The following DYNLT2 variants were observed in gnomAD, a reference collection of about 807,000 sequenced individuals.
The protein encoded by DYNLT2 is dynein light chain Tctex-type 2, also known as dynein light chain Tctex-type protein 2.
In DYNLT2, 24 loss-of-function variants were observed where a neutral mutation model predicts 24.3. The ratio of observed to expected loss-of-function variants is 0.99; its 90% CI spans 0.71 to 1.39. DYNLT2 has a LOEUF of 1.39. DYNLT2 is among the 40% of genes most tolerant of loss of function. The probability of loss-of-function intolerance (pLI) is 0.00; values close to 1 mark genes in which losing one functional copy is unlikely to be tolerated. For synonymous variants in DYNLT2, 85 were observed against 85.4 expected (o/e 1.00, Z 0.03); for missense variants, 246 against 234.5 (o/e 1.05, Z -0.32).
At chr6:169,750,320 T>C (rs1458262731) in intron 1 of DYNLT2, 1 of 152,216 alleles carries the variant, frequency 6.6e-6, no homozygotes, top group African/African-American at 2.4e-5. Flanking sequence ...TGTGAAGTTT[T>C]AAGTCCAACT....
chr6:169,751,554 G>A lies in DYNLT2; in HGVS notation c.-96C>T, dbSNP rs959644051. On this transcript the variant is annotated 5_prime_UTR_variant, in exon 1 of 4. Transcript: ENST00000366774. ...GCGAGGGCGGAAGTCTCCCACCTGCGCCTCGTACGGTAGGAAGTGCCCGCC... is the reference window on the plus strand; with the variant it reads ...GCGAGGGCGGAAGTCTCCCACCTGCACCTCGTACGGTAGGAAGTGCCCGCC... The A allele has an allele frequency of 4.3e-6, 7 of 1,610,296 alleles. No homozygotes were observed. Among genetic ancestry groups the A allele is most frequent in the East Asian group, 4.5e-5 (2 of 44,806 alleles).
At chr6:169,725,741 G>C in the DYNLT2 span, 3 of 156,550 alleles carry the variant, frequency 1.9e-5, no homozygotes, top group African/African-American at 4.8e-5. Flanking sequence ...TCAGAGAATG[G>C]AGTCAGGGAA....
At chr6:169,742,918 A>G (rs973456511) in intron 3 of DYNLT2, among the ~76,000 whole-genome samples, 162 bp downstream of exon 3, 3 of 152,182 alleles carry the variant, frequency 2.0e-5, no homozygotes, top group Non-Finnish European at 2.9e-5. Flanking sequence ...TTTTCAAATA[A>G]TTTACAGTGA....
Position 169,743,825 on chromosome 6 carries a change from A to G in DYNLT2, c.327+243T>C, listed in dbSNP as rs1312642404. On this transcript the variant is annotated intron_variant, in intron 2 of 3. Coordinates refer to ENST00000366774, the MANE Select transcript of DYNLT2 (RefSeq NM_174910.3). ...TTAATGTATAGCTTGAAGGAAATGG[A>G]CATGGCTTGTGGACTATAAAGCATT... Among the ~76,000 whole-genome samples the G allele has an allele frequency of 6.6e-5, 10 of 152,316 alleles. No individual in the cohort carries two copies. In the East Asian group the frequency reaches 1.9e-3, roughly 29 times the overall value.
chr6:169,751,544 TC>T lies in DYNLT2; in HGVS notation c.-87del. ...AGCCAGTCCCGCGAGGGCGGAAGTC[TC>T]CCACCTGCGCCTCGTACGGTAGGAA... is the stretch of plus-strand genomic sequence containing the variant. On this transcript the variant is annotated 5_prime_UTR_variant, in exon 1 of 4. Coordinates refer to ENST00000366774, the MANE Select transcript of DYNLT2 (RefSeq NM_174910.3). The T allele has an allele frequency of 6.2e-7, 1 of 1,610,498 alleles. No individual in the cohort carries two copies. The highest frequency in any genetic ancestry group is 1.1e-5 in the South Asian group (1 of 90,800).
the DYNLT2 span, among the ~76,000 whole-genome samples, chr6:169,731,172 GGAGAAGCAGTGAGA>G: frequency 2.0e-5 from 3 of 152,272 alleles, no homozygotes; most frequent in South Asian, 6.2e-4. Flanking sequence ...CACCCAATCT[GGAGAAGCAGTGAGA>G]GAGACGTTGG....
At chr6:169,730,806 G>C in the DYNLT2 span, among the ~76,000 whole-genome samples, 1 of 152,202 alleles carries the variant, frequency 6.6e-6, no homozygotes, top group Admixed American at 6.5e-5. Context: ...GCTGAGGCAT[G>C]AGAATGGTGT....
At position 169,751,443 on chromosome 6, in the gene DYNLT2, G is replaced by A. The variant is rs780639416; in HGVS notation, c.16C>T (p.Arg6Ter). ...TGGATGGGGCTCGACTTCACGCCTCGGCCTCGCTTCTCCATCTCGCTCTGT... is the reference window on the plus strand; with the variant it reads ...TGGATGGGGCTCGACTTCACGCCTCAGCCTCGCTTCTCCATCTCGCTCTGT... MEKRG[R>*]GVKSSPIQTP... Residue 6 changes from arginine (R) to a stop codon, truncating the protein, a stop_gained, in exon 1 of 4, where the codon CGA becomes TGA. Coordinates refer to ENST00000366774, the MANE Select transcript of DYNLT2 (RefSeq NM_174910.3). LOFTEE classifies it high-confidence loss of function. 3 of 1,613,880 alleles carry A rather than the reference G, an allele frequency of 1.9e-6. No homozygotes were observed. Among genetic ancestry groups the A allele is most frequent in the Non-Finnish European group, 2.5e-6 (3 of 1,180,018 alleles).
At chr6:169,725,658 A>C in the DYNLT2 span, 43 of 208,688 alleles carry the variant, frequency 2.1e-4, 1 homozygote, top group Admixed American at 3.6e-4. Flanking sequence ...AAAAAAACAA[A>C]AACAAAAAAA....
At chr6:169,734,793 C>T in the DYNLT2 span, among the ~76,000 whole-genome samples, 1 of 152,106 alleles carries the variant, frequency 6.6e-6, no homozygotes, top group Non-Finnish European at 1.5e-5. Flanking sequence ...CAGGGCGATG[C>T]TGGCTTCATA....
downstream of DYNLT2, among the ~76,000 whole-genome samples, chr6:169,739,204 TCTC>T (rs1271927803): frequency 2.0e-5 from 3 of 149,570 alleles, no homozygotes; most frequent in Non-Finnish European, 4.4e-5. Context: ...TCCACAATTT[TCTC>T]CTTTTTTTTT....
At chr6:169,744,042 G>A (rs762464449) in intron 2 of DYNLT2, 26 bp downstream of exon 2, 2 of 1,592,922 alleles carry the variant, frequency 1.3e-6, no homozygotes, top group Admixed American at 1.7e-5. Context: ...ATACAATACT[G>A]CTATCATATA....
At chr6:169,744,776 A>T (rs1462247995) in intron 1 of DYNLT2, among the ~76,000 whole-genome samples, 1 of 152,230 alleles carries the variant, frequency 6.6e-6, no homozygotes. Context: ...ACACCAAAAG[A>T]GCATTGATTT....
At chr6:169,730,172 C>A in the DYNLT2 span, among the ~76,000 whole-genome samples, 4,202 of 152,264 alleles carry the variant, frequency 0.028, 72 homozygotes, top group Non-Finnish European at 0.042. Context: ...TTGCACAGTG[C>A]ATACTAGAAC....
At chr6:169,727,564 G>GTTT in the DYNLT2 span, among the ~76,000 whole-genome samples, 776 of 151,634 alleles carry the variant, frequency 5.1e-3, 10 homozygotes, top group African/African-American at 0.017. Context: ...TTGTTTTTTT[G>GTTT]TTTTTTTGTT....
At chr6:169,750,155 G>C in intron 1 of DYNLT2, 1 of 152,132 alleles carries the variant, frequency 6.6e-6, no homozygotes, top group East Asian at 1.9e-4. Flanking sequence ...TTTGAGTTCA[G>C]GCTCATTGAA....
downstream of DYNLT2, among the ~76,000 whole-genome samples, chr6:169,737,132 C>T (rs1229053333): frequency 3.9e-5 from 6 of 152,072 alleles, no homozygotes; most frequent in Admixed American, 6.6e-5. Flanking sequence ...GTATGCTTCA[C>T]GAAGTTCTCA....
At chr6:169,748,294 C>T (rs988865470) in intron 1 of DYNLT2, among the ~76,000 whole-genome samples, 1 of 152,148 alleles carries the variant, frequency 6.6e-6, no homozygotes, top group African/African-American at 2.4e-5. Context: ...TCCCAGGCTC[C>T]TAACTCCTTT....
At chr6:169,735,423 G>A (rs1248294118), downstream of DYNLT2, among the ~76,000 whole-genome samples, 3 of 152,166 alleles carry the variant, frequency 2.0e-5, no homozygotes, top group Non-Finnish European at 4.4e-5. Flanking sequence ...CAGGCATTTA[G>A]TGCTGTAAAT....
Sources: allele counts gnomAD v4.1 joint callset (sites outside exome capture counted in the v4.1 genomes callset), GRCh38; gene constraint gnomAD v4.1.1; transcripts MANE v1.5; gene names NCBI Gene and HGNC (gene_info 2026-07-23, HGNC 2026-07-21).